Variants in MCMDC2 observed in about 807,000 individuals in gnomAD.
MCMDC2 encodes the protein minichromosome maintenance domain-containing protein 2.
In MCMDC2, 54 loss-of-function variants were observed where a neutral mutation model predicts 75.8. That is an observed-to-expected ratio of 0.71 (90% CI 0.57 to 0.89). The LOEUF (loss-of-function observed/expected upper bound fraction) is 0.89. Among genes scored for constraint, MCMDC2 ranks in the 40% least tolerant of loss-of-function variants. The pLI, the probability that MCMDC2 is intolerant of heterozygous loss-of-function variation, is 0.00. For missense variants in MCMDC2, 656 were observed against 780.4 expected (o/e 0.84, Z 1.90); for synonymous variants, 249 against 274.6 (o/e 0.91, Z 0.92).
intron 10 of MCMDC2, among the ~76,000 whole-genome samples, chr8:66,891,921 G>A (rs1354077076): frequency 6.6e-6 from 1 of 152,206 alleles, no homozygotes; most frequent in African/African-American, 2.4e-5. Context: ...TTCTACTGAG[G>A]GCCCTGGTGT....
intron 9 of MCMDC2, among the ~76,000 whole-genome samples, chr8:66,888,405 A>G (rs909725416): frequency 1.3e-5 from 2 of 152,180 alleles, no homozygotes; most frequent in Non-Finnish European, 2.9e-5. Context: ...AATACCAACC[A>G]AAAAGAAGCC....
At position 66,902,725 on chromosome 8, in the gene MCMDC2, T is replaced by A. The variant is rs1256165929; in HGVS notation, c.1769+1377T>A. On this transcript the variant is annotated intron_variant, in intron 13 of 14. Transcript: ENST00000422365. ...AAAAAAAAAAAAATATATATATATA[T>A]ATATATATATATATATACATATATC... Among the ~76,000 whole-genome samples, 143 of 137,662 alleles carry A rather than the reference T, an allele frequency of 1.0e-3. 2 individuals are homozygous for A. Among genetic ancestry groups the A allele is most frequent in the African/African-American group, 3.8e-3 (137 of 36,142 alleles). 90.3% of individuals were successfully genotyped at this position (137,662 alleles called of 152,430 possible).
chr8:66,893,611 T>C (rs1430556145), intron 10 of MCMDC2, among the ~76,000 whole-genome samples: 1 of 152,152 alleles, frequency 6.6e-6, no homozygotes, highest in Non-Finnish European at 1.5e-5. Context: ...ATGAGAACAG[T>C]GCAGGAAAGA....
chr8:66,880,823 T>C (rs537342992), intron 7 of MCMDC2, 26 bp from the exon 8 acceptor site: 178 of 1,503,490 alleles, frequency 1.2e-4, no homozygotes, highest in Non-Finnish European at 1.5e-4. Context: ...TGAATATGTA[T>C]TTTCTTCTGT....
downstream of MCMDC2, among the ~76,000 whole-genome samples, chr8:66,923,286 G>T (rs1174365646): frequency 1.3e-5 from 2 of 152,094 alleles, no homozygotes; most frequent in African/African-American, 4.8e-5. Context: ...GTAAAATTAA[G>T]TCCCAAGTTA....
chr8:66,909,797 T>A (rs1451273458), intron 14 of MCMDC2, among the ~76,000 whole-genome samples: 2 of 152,188 alleles, frequency 1.3e-5, no homozygotes, highest in Non-Finnish European at 2.9e-5. Flanking sequence ...GAAATTTGCA[T>A]AAGTAACAAG....
chr8:66,902,711 A>AAAAAAAAAAAAAAAATATATAT (rs1467425752), intron 13 of MCMDC2, among the ~76,000 whole-genome samples: 1 of 67,930 alleles, frequency 1.5e-5, no homozygotes, highest in African/African-American at 7.3e-5. Flanking sequence ...AAAAAAAAAA[A>AAAAAAAAAAAAAAAATATATAT]ATATATATAT....
chr8:66,911,292 A>T (rs1205997276), intron 14 of MCMDC2, among the ~76,000 whole-genome samples: 1 of 151,968 alleles, frequency 6.6e-6, no homozygotes, highest in African/African-American at 2.4e-5. Context: ...TGGTTTTATA[A>T]GGGGCTCTTT....
In MCMDC2 at chr8:66,870,774, A is replaced by C. The variant is rs1585837424; in HGVS notation, c.-146A>C. ...GGGACGTGCGCGCATGCGCGCTAGG[A>C]CTCCGCTCCGCCTACGCTGCAGGCG... On this transcript the variant is annotated 5_prime_UTR_variant, in exon 1 of 15. Transcript: ENST00000422365. 6.6e-6 allele frequency: 1 copy of C among 152,102 alleles called. No individual in the cohort carries two copies. The highest frequency in any genetic ancestry group is 1.5e-5 in the Non-Finnish European group (1 of 68,030). 9.4% of individuals were successfully genotyped at this position (152,102 alleles called of 1,614,324 possible).
chr8:66,915,313 G>A (rs1385591558), intron 14 of MCMDC2, among the ~76,000 whole-genome samples: 3 of 151,886 alleles, frequency 2.0e-5, no homozygotes, highest in South Asian at 2.1e-4. Flanking sequence ...TTAGTTGGGC[G>A]TAGTGGCGCG....
In MCMDC2 at chr8:66,921,062, G is replaced by T. The variant is rs1421763657; in HGVS notation, c.*1893G>T. On this transcript the variant is annotated 3_prime_UTR_variant, in exon 15 of 15. Transcript: ENST00000422365. ...TGTACTGATGCAATCATAGCTCACT[G>T]CCACCTTAATCTCCCCAGCTCAAAA... is the stretch of plus-strand genomic sequence containing the variant. 3 of 152,060 alleles carry T rather than the reference G, an allele frequency of 2.0e-5. No individual in the cohort carries two copies. The highest frequency in any genetic ancestry group is 4.4e-5 in the Non-Finnish European group (3 of 68,018). The allele number at this position is 152,060 out of a possible 1,614,324, so 9.4% of individuals were successfully genotyped here. A position where few individuals can be genotyped will look rare whatever the true frequency, so the allele number is the denominator to read the frequency against.
At chr8:66,888,847 A>AT (rs1446154663) in intron 9 of MCMDC2, among the ~76,000 whole-genome samples, 1 of 152,184 alleles carries the variant, frequency 6.6e-6, no homozygotes, top group African/African-American at 2.4e-5. Flanking sequence ...ACCTGGGAGA[A>AT]TTTTTAAAAA....
intron 8 of MCMDC2, among the ~76,000 whole-genome samples, chr8:66,883,498 T>G (rs948927865): frequency 2.0e-5 from 3 of 152,036 alleles, no homozygotes; most frequent in Admixed American, 1.3e-4. Context: ...TTAATATCAT[T>G]CTAAGAATTT....
intron 12 of MCMDC2, 44 bp from the exon 13 acceptor site, chr8:66,901,162 T>A (rs1812637982): frequency 7.0e-7 from 1 of 1,424,954 alleles, no homozygotes. Context: ...TTATATTGAT[T>A]CCATAATAAA....
At position 66,906,996 on chromosome 8, in the gene MCMDC2, G is replaced by A. The variant is rs192566139; in HGVS notation, c.1879+1661G>A. Among the ~76,000 whole-genome samples the A allele has an allele frequency of 3.2e-3, 489 of 152,132 alleles. 3 individuals are homozygous for A. The highest frequency in any genetic ancestry group is 0.01 in the Middle Eastern group (3 of 294). On this transcript the variant is annotated intron_variant, in intron 14 of 14. Coordinates refer to ENST00000422365, the MANE Select transcript of MCMDC2 (RefSeq NM_173518.5). ...TTGGTCAGGCTGGTCTGGAATTCCCGACCTCAGGTGATCTGCCTGACTTGG... is the reference window on the plus strand; with the variant it reads ...TTGGTCAGGCTGGTCTGGAATTCCCAACCTCAGGTGATCTGCCTGACTTGG...
Position 66,878,613 on chromosome 8 carries a change from A to C in MCMDC2, c.521A>C (p.Glu174Ala), listed in dbSNP as rs1377690258. The C allele has an allele frequency of 6.4e-7, 1 of 1,573,278 alleles. No homozygotes were observed. Among genetic ancestry groups the C allele is most frequent in the Non-Finnish European group, 8.6e-7 (1 of 1,166,042 alleles). ...AGAGTGCATGTGCCTGGTGCTACAG[A>C]ATCTGCAACGATAAGAAATGACTTT... is the stretch of plus-strand genomic sequence containing the variant. Reference protein sequence around the residue: ...YIRVHVPGATESATIRNDFLC... With the variant: ...YIRVHVPGATASATIRNDFLC... The change falls in exon 6 of 15, where the codon GAA (glutamate) becomes GCA (alanine). Residue 174 changes from glutamate (E) to alanine (A), a missense_variant. Coordinates refer to ENST00000422365, the MANE Select transcript of MCMDC2 (RefSeq NM_173518.5).
At chr8:66,884,641 G>T (rs940780868) in intron 9 of MCMDC2, 1 of 151,884 alleles carries the variant, frequency 6.6e-6, no homozygotes, top group African/African-American at 2.4e-5. Context: ...AACAGATTAT[G>T]TTTTGCTAAA....
At chr8:66,880,346 T>A (rs1811500224) in intron 7 of MCMDC2, among the ~76,000 whole-genome samples, 1 of 152,156 alleles carries the variant, frequency 6.6e-6, no homozygotes, top group Non-Finnish European at 1.5e-5. Flanking sequence ...GTGAACTGAT[T>A]GTGCCACTGC....
intron 9 of MCMDC2, among the ~76,000 whole-genome samples, chr8:66,888,936 A>G (rs1811968048): frequency 6.6e-6 from 1 of 152,184 alleles, no homozygotes; most frequent in Admixed American, 6.5e-5. Context: ...AATTTGTTAA[A>G]TCTCCCCAGG....
Sources: gnomAD v4.1 joint callset for allele counts (sites outside exome capture counted in the v4.1 genomes callset) on GRCh38, gnomAD v4.1.1 for gene constraint, MANE v1.5 for transcripts, NCBI Gene and HGNC (gene_info 2026-07-23, HGNC 2026-07-21) for gene names.